Variants in SLC7A1 observed in about 807,000 individuals in gnomAD.
SLC7A1 encodes solute carrier family 7 member 1.
SLC7A1 carries 10 observed loss-of-function variants against 53.9 expected under a neutral mutation model. That is an observed-to-expected ratio of 0.19 (90% CI 0.11 to 0.31). The LOEUF (loss-of-function observed/expected upper bound fraction) is 0.31. Among genes scored for constraint, SLC7A1 ranks in the 10% least tolerant of loss-of-function variants. The probability of loss-of-function intolerance (pLI) is 1.00; values close to 1 mark genes in which losing one functional copy is unlikely to be tolerated. For missense variants in SLC7A1, 525 were observed against 827.2 expected (o/e 0.63, Z 4.48); for synonymous variants, 342 against 338.7 (o/e 1.01, Z -0.11).
At chr13:29,532,777 C>G in intron 4 of SLC7A1, 47 bp downstream of exon 4, 1 of 1,530,712 alleles carries the variant, frequency 6.5e-7, no homozygotes, top group East Asian at 2.3e-5. Context: ...CTCACCAAAC[C>G]TTTGCCCATC....
chr13:29,529,870 T>C (rs912968990), intron 5 of SLC7A1, among the ~76,000 whole-genome samples: 9 of 152,194 alleles, frequency 5.9e-5, no homozygotes, highest in Non-Finnish European at 8.8e-5. Flanking sequence ...GGCTTTTTTT[T>C]CCTAGGTTAT....
At chr13:29,584,440 C>G (rs550135994) in intron 1 of SLC7A1, among the ~76,000 whole-genome samples, 1 of 152,188 alleles carries the variant, frequency 6.6e-6, no homozygotes, top group Non-Finnish European at 1.5e-5. Flanking sequence ...AGCCACCACA[C>G]CTGGCCAATA....
In SLC7A1 at chr13:29,517,631, T is replaced by C; in HGVS notation, c.1452A>G (p.Lys484=). The C allele has an allele frequency of 6.2e-7, 1 of 1,614,192 alleles. No homozygotes were observed. Among genetic ancestry groups the C allele is most frequent in the South Asian group, 1.1e-5 (1 of 91,080 alleles). ...MFSLKTILSP[K]NMEPSKISGL... Reference sequence around the variant, plus strand: ...CAGAGATTTTGGAAGGCTCCATGTTTTTGGGTGAGAGTATGGTTTTCAAAG... The same window carrying C: ...CAGAGATTTTGGAAGGCTCCATGTTCTTGGGTGAGAGTATGGTTTTCAAAG... Residue 484 remains lysine (K), a synonymous_variant, in exon 10 of 13, where the codon AAA becomes AAG. Coordinates refer to ENST00000380752, the MANE Select transcript of SLC7A1 (RefSeq NM_003045.5).
chr13:29,538,799 T>C (rs1306529704), intron 2 of SLC7A1, among the ~76,000 whole-genome samples: 2 of 152,224 alleles, frequency 1.3e-5, no homozygotes, highest in Non-Finnish European at 1.5e-5. Flanking sequence ...TGCTGGGAGA[T>C]GTGCAAAAAT....
Position 29,523,345 on chromosome 13 carries a change from G to A in SLC7A1, c.970C>T (p.Pro324Ser). The A allele has an allele frequency of 3.1e-6, 5 of 1,613,816 alleles. No homozygotes were observed. The highest frequency in any genetic ancestry group is 4.2e-6 in the Non-Finnish European group (5 of 1,180,022). Residue 324 changes from proline (P) to serine (S), a missense_variant, in exon 7 of 13, where the codon CCC (proline) becomes TCC (serine). This residue lies in a region of SLC7A1 where 354 missense variants were observed against 587.5 expected (regional missense o/e 0.60). Coordinates refer to ENST00000380752, the MANE Select transcript of SLC7A1 (RefSeq NM_003045.5). The stretch of plus-strand genomic sequence containing the variant: ...CAGCCCACGTGCTTAAAGGCGTCGG[G>A]CAGGGGGCTGTTATTGTCCAGGCAG... ...YFCLDNNSPL[P>S]DAFKHVGWEG...
At chr13:29,522,973 G>A (rs1013670405) in intron 7 of SLC7A1, among the ~76,000 whole-genome samples, 11 of 152,158 alleles carry the variant, frequency 7.2e-5, no homozygotes, top group East Asian at 1.9e-4. Context: ...TTCAAACAGC[G>A]GGCCTGTTCC....
intron 2 of SLC7A1, among the ~76,000 whole-genome samples, chr13:29,552,393 A>G (rs1239382878): frequency 6.6e-6 from 1 of 152,216 alleles, no homozygotes; most frequent in African/African-American, 2.4e-5. Flanking sequence ...CAATTAGTTT[A>G]AAGTATTTTA....
chr13:29,561,256 C>G (rs1375284018), intron 1 of SLC7A1, among the ~76,000 whole-genome samples: 1 of 152,176 alleles, frequency 6.6e-6, no homozygotes, highest in Non-Finnish European at 1.5e-5. Flanking sequence ...GAATGAACCC[C>G]AACTATACAC....
At chr13:29,563,829 C>T (rs532422482) in intron 1 of SLC7A1, among the ~76,000 whole-genome samples, 2 of 152,190 alleles carry the variant, frequency 1.3e-5, no homozygotes, top group African/African-American at 4.8e-5. Flanking sequence ...GGCACCACTG[C>T]CAATTTATTA....
intron 2 of SLC7A1, among the ~76,000 whole-genome samples, chr13:29,540,092 A>T (rs940931788): frequency 1.3e-5 from 2 of 152,222 alleles, no homozygotes; most frequent in Non-Finnish European, 2.9e-5. Flanking sequence ...TTGTTCAACC[A>T]ACAGTGAGGC....
At position 29,514,348 on chromosome 13, in the gene SLC7A1, T is replaced by C. The variant is rs1206487224; in HGVS notation, c.*132A>G. The C allele has an allele frequency of 3.1e-6, 2 of 649,256 alleles. No individual in the cohort carries two copies. The highest frequency in any genetic ancestry group is 3.6e-5 in the African/African-American group (2 of 55,662). 40.2% of individuals were successfully genotyped at this position (649,256 alleles called of 1,614,324 possible). ...GGGCTGGGGCTGCAGGTCAAGTAAT[T>C]GCACCTTTGGCTGCAGTGAGGGTGT... On this transcript the variant is annotated 3_prime_UTR_variant, in exon 13 of 13. Transcript: ENST00000380752.
rs1052508692 is a variant in SLC7A1, at chr13:29,522,575, C to T, written c.1050-119G>A. On this transcript the variant is annotated intron_variant, in intron 7 of 12. Coordinates refer to ENST00000380752, the MANE Select transcript of SLC7A1 (RefSeq NM_003045.5). ...GGAGTCTGAGCTCACCAAGAGCTGC[C>T]GTCCCTCCACGCTGGGTGAGGCCTG... 32 of 1,030,638 alleles carry T rather than the reference C, an allele frequency of 3.1e-5. 1 individual carries two copies. The highest frequency in any genetic ancestry group is 2.2e-4 in the South Asian group (14 of 64,986). The allele number at this position is 1,030,638 out of a possible 1,614,324, so 63.8% of individuals were successfully genotyped here.
chr13:29,595,340 C>T (rs960714631), intron 1 of SLC7A1, 76 bp downstream of exon 1: 3 of 151,850 alleles, frequency 2.0e-5, no homozygotes, highest in African/African-American at 7.3e-5. Context: ...CGCGGCCCCA[C>T]GCGGCGCCAG....
intron 12 of SLC7A1, among the ~76,000 whole-genome samples, 163 bp downstream of exon 12, chr13:29,515,975 A>G (rs1198807232): frequency 1.3e-5 from 2 of 152,262 alleles, no homozygotes; most frequent in African/African-American, 2.4e-5. Flanking sequence ...GGAAACAAAA[A>G]GTATCTAACA....
intron 3 of SLC7A1, among the ~76,000 whole-genome samples, chr13:29,534,496 A>G (rs1357614758): frequency 1.3e-5 from 2 of 152,248 alleles, no homozygotes; most frequent in Non-Finnish European, 2.9e-5. Flanking sequence ...ATTTTATTTT[A>G]GAACCCAGAA....
chr13:29,575,600 T>C (rs190415274), intron 1 of SLC7A1, among the ~76,000 whole-genome samples: 158 of 152,366 alleles, frequency 1.0e-3, no homozygotes, highest in Non-Finnish European at 1.9e-3. Context: ...GCCATACTTC[T>C]GCCCCCGAAT....
chr13:29,590,373 CACACATACATATACACAT>C (rs1016026890), intron 1 of SLC7A1, among the ~76,000 whole-genome samples: 15 of 152,152 alleles, frequency 9.9e-5, no homozygotes, highest in African/African-American at 3.4e-4. Context: ...ACCAAACACA[CACACATACATATACACAT>C]ACACATACAC....
intron 7 of SLC7A1, 39 bp from the exon 8 acceptor site, chr13:29,522,495 T>C: frequency 1.2e-6 from 2 of 1,612,266 alleles, no homozygotes; most frequent in East Asian, 2.2e-5. Flanking sequence ...TGAACCTGGC[T>C]CATAAGGGAT....
At chr13:29,522,542 G>A in intron 7 of SLC7A1, 86 bp from the exon 8 acceptor site, 1 of 1,463,092 alleles carries the variant, frequency 6.8e-7, no homozygotes, top group East Asian at 2.3e-5. Flanking sequence ...GTTTACCACG[G>A]AGGAGAGGGA....
Sources: allele counts gnomAD v4.1 joint callset (sites outside exome capture counted in the v4.1 genomes callset), GRCh38; gene constraint gnomAD v4.1.1; regional missense constraint gnomAD v4.1.1; transcripts MANE v1.5; gene names NCBI Gene and HGNC (gene_info 2026-07-23, HGNC 2026-07-21).